GAPVD1: variants seen among roughly 807,000 people sequenced by gnomAD.
GAPVD1 encodes the protein GTPase-activating protein and VPS9 domain-containing protein 1.
Under a neutral mutation model 155.5 loss-of-function variants are expected in GAPVD1, and 35 were observed. The ratio of observed to expected loss-of-function variants is 0.23; its 90% CI spans 0.17 to 0.30. The LOEUF (loss-of-function observed/expected upper bound fraction) is 0.30. GAPVD1 is among the 10% of genes least tolerant of loss of function. The pLI, the probability that GAPVD1 is intolerant of heterozygous loss-of-function variation, is 1.00. For synonymous variants in GAPVD1, 636 were observed against 619.7 expected (o/e 1.03, Z -0.39); for missense variants, 1,429 against 1,775.7 (o/e 0.80, Z 3.51).
At chr9:125,292,485 C>T (rs1245196423) in intron 2 of GAPVD1, among the ~76,000 whole-genome samples, 2 of 151,696 alleles carry the variant, frequency 1.3e-5, no homozygotes, top group Non-Finnish European at 2.9e-5. Context: ...CTCTGCCTCT[C>T]GGGTTCAAGT....
At chr9:125,317,374 C>T (rs1346730639) in intron 9 of GAPVD1, among the ~76,000 whole-genome samples, 5 of 150,876 alleles carry the variant, frequency 3.3e-5, no homozygotes, top group Non-Finnish European at 5.9e-5. Context: ...GCCTGTAATC[C>T]CAGCACTCTG....
intron 8 of GAPVD1, chr9:125,309,994 G>C (rs568409): frequency 0.51 from 237,414 of 462,492 alleles, 61,953 homozygotes; most frequent in African/African-American, 0.61. Context: ...TCATATTACA[G>C]TAGTAACCCC....
chr9:125,360,637 C>T lies in GAPVD1; in HGVS notation c.4154C>T (p.Thr1385Met). ...CAGTGCATCCTGAGAATGTGCTCTA[C>T]GATTATGAACCTCCTGAGCCTGGCC... is the stretch of plus-strand genomic sequence containing the variant. ...KVQCILRMCS[T>M]IMNLLSLANE... is the part of the protein sequence containing the mutation. The change falls in exon 27 of 28, where the codon ACG becomes ATG. Residue 1385 changes from threonine to methionine, a missense_variant. By Grantham distance (81) the Thr-to-Met change is moderately conservative. Transcript: ENST00000297933. 1 of 1,613,856 alleles carries T rather than the reference C, an allele frequency of 6.2e-7. No individual in the cohort carries two copies. Among genetic ancestry groups the T allele is most frequent in the Non-Finnish European group, 8.5e-7 (1 of 1,179,778 alleles).
intron 10 of GAPVD1, among the ~76,000 whole-genome samples, 186 bp downstream of exon 10, chr9:125,321,748 C>G (rs1844358246): frequency 6.6e-6 from 1 of 152,138 alleles, no homozygotes; most frequent in African/African-American, 2.4e-5. Flanking sequence ...ATTAAAATTG[C>G]AAGATGCCTT....
chr9:125,326,786 C>T (rs1317299489), intron 12 of GAPVD1, among the ~76,000 whole-genome samples, 197 bp downstream of exon 12: 4 of 150,954 alleles, frequency 2.6e-5, no homozygotes, highest in African/African-American at 7.3e-5. Flanking sequence ...TTCCTTTCTA[C>T]ATTTAATCCC....
Position 125,332,608 on chromosome 9 carries a change from G to C in GAPVD1, c.2407G>C (p.Asp803His), listed in dbSNP as rs1269455590. 6.2e-7 allele frequency: 1 copy of C among 1,609,458 alleles called. No individual in the cohort carries two copies. Among genetic ancestry groups the C allele is most frequent in the Non-Finnish European group, 8.5e-7 (1 of 1,177,876 alleles). The change falls in exon 15 of 28, where the codon GAC becomes CAC. Residue 803 changes from aspartate to histidine, a missense_variant. Asp to His is a moderately conservative substitution (Grantham distance 81). This residue lies in a region of GAPVD1 where 699 missense variants were observed against 826.0 expected (regional missense o/e 0.85). Coordinates refer to ENST00000297933, the MANE Select transcript of GAPVD1 (RefSeq NM_001282680.3). Reference protein sequence around the residue: ...FGGKDSVTSPDMDEITHGAHQ... With the variant: ...FGGKDSVTSPHMDEITHGAHQ... Reference sequence around the variant, plus strand: ...GGGTAAAGATTCTGTCACTAGTCCAGACATGGATGAAATAACTCACGGTAA... The same window carrying C: ...GGGTAAAGATTCTGTCACTAGTCCACACATGGATGAAATAACTCACGGTAA...
At chr9:125,324,816 C>T (rs1252652144) in intron 11 of GAPVD1, among the ~76,000 whole-genome samples, 1 of 152,088 alleles carries the variant, frequency 6.6e-6, no homozygotes, top group Non-Finnish European at 1.5e-5. Flanking sequence ...AGAAGGATAT[C>T]AGTATTTTAG....
At chr9:125,329,726 G>A (rs150600437) in intron 12 of GAPVD1, among the ~76,000 whole-genome samples, 183 of 151,922 alleles carry the variant, frequency 1.2e-3, no homozygotes, top group African/African-American at 4.1e-3. Context: ...AGGTTGGAGG[G>A]CAATGGCATG....
chr9:125,270,642 A>G (rs1482562963), intron 2 of GAPVD1, among the ~76,000 whole-genome samples: 2 of 151,966 alleles, frequency 1.3e-5, no homozygotes, highest in East Asian at 3.9e-4. Context: ...TATTTAATAT[A>G]TATATAAGTG....
chr9:125,291,092 GC>G, intron 2 of GAPVD1, among the ~76,000 whole-genome samples: 1 of 151,948 alleles, frequency 6.6e-6, no homozygotes, highest in Non-Finnish European at 1.5e-5. Context: ...TTTGGGACCA[GC>G]CTAGGCAACA....
intron 14 of GAPVD1, 140 bp downstream of exon 14, chr9:125,332,200 C>A: frequency 1.2e-6 from 1 of 852,844 alleles, no homozygotes; most frequent in Non-Finnish European, 1.8e-6. Context: ...TTCCATTGCA[C>A]CTGAAATCTT....
chr9:125,329,987 A>G, intron 12 of GAPVD1, 91 bp from the exon 13 acceptor site: 1 of 1,064,358 alleles, frequency 9.4e-7, no homozygotes, highest in East Asian at 2.7e-5. Flanking sequence ...CAGCCAGGAG[A>G]TTTTGTTAGC....
At chr9:125,310,882 C>G (rs2131196499) in intron 8 of GAPVD1, among the ~76,000 whole-genome samples, 1 of 149,916 alleles carries the variant, frequency 6.7e-6, no homozygotes, top group Non-Finnish European at 1.5e-5. Context: ...TTTTATCGCG[C>G]AGGCTGGAGT....
At chr9:125,298,589 A>C (rs1161897720) in intron 3 of GAPVD1, among the ~76,000 whole-genome samples, 4 of 148,252 alleles carry the variant, frequency 2.7e-5, no homozygotes, top group African/African-American at 7.6e-5. Flanking sequence ...CCCGGGTTCA[A>C]GGAATCCCCC....
intron 15 of GAPVD1, among the ~76,000 whole-genome samples, chr9:125,335,868 C>G (rs1013185838): frequency 1.3e-5 from 2 of 151,522 alleles, no homozygotes; most frequent in African/African-American, 4.9e-5. Context: ...GTAAAGATAT[C>G]TTGGCCAGGC....
chr9:125,268,202 C>A (rs973570012), intron 1 of GAPVD1, among the ~76,000 whole-genome samples: 1 of 147,716 alleles, frequency 6.8e-6, no homozygotes, highest in Non-Finnish European at 1.5e-5. Flanking sequence ...CAACCCCCCC[C>A]CCCAAAAAAA....
At chr9:125,330,894 T>G (rs1845972806) in intron 13 of GAPVD1, among the ~76,000 whole-genome samples, 1 of 152,180 alleles carries the variant, frequency 6.6e-6, no homozygotes, top group Non-Finnish European at 1.5e-5. Flanking sequence ...GGTAAACACA[T>G]TTAGATTTAT....
chr9:125,333,889 G>A (rs1846470003), intron 15 of GAPVD1, among the ~76,000 whole-genome samples: 1 of 152,112 alleles, frequency 6.6e-6, no homozygotes, highest in South Asian at 2.1e-4. Context: ...TGTTGTGGGG[G>A]CCTGTCCTGT....
chr9:125,311,480 G>A (rs1229838003), intron 8 of GAPVD1, among the ~76,000 whole-genome samples: 1 of 152,094 alleles, frequency 6.6e-6, no homozygotes, highest in African/African-American at 2.4e-5. Context: ...AATTCACCAA[G>A]TGTGGTGGTG....
Sources: allele counts gnomAD v4.1 joint callset (sites outside exome capture counted in the v4.1 genomes callset), GRCh38; gene constraint gnomAD v4.1.1; regional missense constraint gnomAD v4.1.1; transcripts MANE v1.5; gene names NCBI Gene and HGNC (gene_info 2026-07-23, HGNC 2026-07-21).